The following MDM4 variants were observed in gnomAD, a reference collection of about 807,000 sequenced individuals.
The protein encoded by MDM4 is protein Mdm4.
MDM4 carries 2 observed loss-of-function variants against 60.2 expected under a neutral mutation model. That is an observed-to-expected ratio of 0.03 (90% CI 0.01 to 0.10). The LOEUF is 0.10. MDM4 is among the 10% of genes least tolerant of loss of function. The pLI is 1.00. For missense variants in MDM4, 447 were observed against 577.5 expected, an observed-to-expected ratio of 0.77 and a Z score of 2.32; for synonymous variants, 202 against 198.1, an observed-to-expected ratio of 1.02 and a Z score of -0.17.
chr1:204,544,843 T>G (rs1336411857), intron 9 of MDM4, among the ~76,000 whole-genome samples, 159 bp downstream of exon 9: 3 of 152,284 alleles, frequency 2.0e-5, no homozygotes, highest in Middle Eastern at 3.4e-3. Flanking sequence ...CATTAAGTAA[T>G]GTTAACCAGG....
At chr1:204,529,004 T>A (rs1660557273) in intron 3 of MDM4, 1 of 1,528,112 alleles carries the variant, frequency 6.5e-7, no homozygotes, top group African/African-American at 1.4e-5. Flanking sequence ...TGACAGAGCG[T>A]GGGCAGTAGC....
intron 10 of MDM4, among the ~76,000 whole-genome samples, chr1:204,547,770 T>C (rs1234069843): frequency 1.3e-5 from 2 of 152,218 alleles, no homozygotes; most frequent in Non-Finnish European, 2.9e-5. Context: ...GTTGCCAAGG[T>C]TGGAATGCAA....
In MDM4 at chr1:204,549,378, A is replaced by G. The variant is rs1393081884; in HGVS notation, c.1169A>G (p.Asn390Ser). 3 of 1,614,092 alleles carry G rather than the reference A, an allele frequency of 1.9e-6. No individual in the cohort carries two copies. The highest frequency in any genetic ancestry group is 2.5e-6 in the Non-Finnish European group (3 of 1,180,002). ...KENSKLFDPC[N>S]SVEFLDLAHS... is the part of the protein sequence containing the mutation. ...AACTCCAAACTTTTTGATCCCTGCAACTCAGTGGAATTCTTGGATTTGGCT... is the reference window on the plus strand; with the variant it reads ...AACTCCAAACTTTTTGATCCCTGCAGCTCAGTGGAATTCTTGGATTTGGCT... Residue 390 changes from asparagine to serine, a missense_variant, in exon 11 of 11, where the codon AAC (asparagine) becomes AGC (serine). Coordinates refer to ENST00000367182, the MANE Select transcript of MDM4 (RefSeq NM_002393.5).
At chr1:204,531,641 C>T (rs1660862257) in intron 4 of MDM4, among the ~76,000 whole-genome samples, 1 of 152,100 alleles carries the variant, frequency 6.6e-6, no homozygotes, top group East Asian at 1.9e-4. Flanking sequence ...ACCAGCCTGG[C>T]CAACATAAGT....
In MDM4 at chr1:204,551,455, C is replaced by G. The variant is rs529791045; in HGVS notation, c.*1773C>G. 1.9e-4 allele frequency: 34 copies of G among 176,880 alleles called. No individual in the cohort carries two copies. The East Asian group carries it at 3.2e-3, about 17-fold the overall frequency. The allele number at this position is 176,880 out of a possible 1,614,324, so 11.0% of individuals were successfully genotyped here. A position where few individuals can be genotyped will look rare whatever the true frequency, so the allele number is the denominator to read the frequency against. On this transcript the variant is annotated 3_prime_UTR_variant, in exon 11 of 11. Coordinates refer to ENST00000367182, the MANE Select transcript of MDM4 (RefSeq NM_002393.5). ...CTTGATATACTGGATGGTTGAGAGG[C>G]AGCCTCTTTTTTTTTTTTTTTTTTT...
rs1361968308 is a variant in MDM4, at chr1:204,557,063, G to T, written c.*7381G>T. ...ACCCTTTTCTACCTCATCATTTGTT[G>T]TAGGGATTAAATCCGGGAGAGCAAT... On this transcript the variant is annotated 3_prime_UTR_variant, in exon 11 of 11. Coordinates refer to ENST00000367182, the MANE Select transcript of MDM4 (RefSeq NM_002393.5). 1 of 201,102 alleles carries T rather than the reference G, an allele frequency of 5.0e-6. No homozygotes were observed. The highest frequency in any genetic ancestry group is 1.0e-5 in the Non-Finnish European group (1 of 97,656). 12.5% of individuals were successfully genotyped at this position (201,102 alleles called of 1,614,324 possible).
At chr1:204,541,798 A>G (rs1662110484) in intron 7 of MDM4, among the ~76,000 whole-genome samples, 1 of 152,232 alleles carries the variant, frequency 6.6e-6, no homozygotes, top group Non-Finnish European at 1.5e-5. Context: ...AGCAATATTG[A>G]CATAATTTAT....
intron 1 of MDM4, among the ~76,000 whole-genome samples, chr1:204,524,066 G>A (rs1659857266): frequency 6.6e-6 from 1 of 152,182 alleles, no homozygotes; most frequent in African/African-American, 2.4e-5. Flanking sequence ...GACTCAGGAT[G>A]GAGCAGGTGA....
chr1:204,519,421 C>T (rs1045201780), intron 1 of MDM4, among the ~76,000 whole-genome samples: 1 of 152,028 alleles, frequency 6.6e-6, no homozygotes, highest in African/African-American at 2.4e-5. Flanking sequence ...GCAGGAGAAT[C>T]GTTTGAACCC....
At chr1:204,530,882 G>T (rs756169619) in intron 4 of MDM4, 65 bp downstream of exon 4, 6 of 1,596,050 alleles carry the variant, frequency 3.8e-6, no homozygotes, top group South Asian at 1.1e-5. Flanking sequence ...ATTTCTATGG[G>T]TTATTAATAT....
At chr1:204,544,988 G>A (rs745607710) in intron 9 of MDM4, among the ~76,000 whole-genome samples, 5 of 152,172 alleles carry the variant, frequency 3.3e-5, no homozygotes, top group Non-Finnish European at 7.3e-5. Context: ...CCCACAGCCT[G>A]TGGACCACAT....
chr1:204,538,914 G>T (rs1163957296), intron 7 of MDM4, among the ~76,000 whole-genome samples: 1 of 132,024 alleles, frequency 7.6e-6, no homozygotes, highest in Non-Finnish European at 1.6e-5. Flanking sequence ...CTTGTTACCT[G>T]GGCTGAGTGC....
At chr1:204,524,813 T>C (rs1022452787) in intron 1 of MDM4, among the ~76,000 whole-genome samples, 10 of 152,242 alleles carry the variant, frequency 6.6e-5, no homozygotes, top group African/African-American at 2.4e-4. Context: ...CTTCCTTCTC[T>C]GTAGCTTTTG....
rs980591997 is a variant in MDM4, at chr1:204,553,090, C to T, written c.*3408C>T. On this transcript the variant is annotated 3_prime_UTR_variant, in exon 11 of 11. Coordinates refer to ENST00000367182, the MANE Select transcript of MDM4 (RefSeq NM_002393.5). Reference sequence around the variant, plus strand: ...GTTTCACCATGTTGGTCAGGCTGGTCTCGAACTCCTGACCTCAGGTCATCC... The same window carrying T: ...GTTTCACCATGTTGGTCAGGCTGGTTTCGAACTCCTGACCTCAGGTCATCC... The T allele has an allele frequency of 5.8e-6, 1 of 172,812 alleles. No individual in the cohort carries two copies. The highest frequency in any genetic ancestry group is 6.4e-5 in the Admixed American group (1 of 15,708). The allele number at this position is 172,812 out of a possible 1,614,324, so 10.7% of individuals were successfully genotyped here.
intron 2 of MDM4, 44 bp downstream of exon 2, chr1:204,525,640 T>G: frequency 7.3e-7 from 1 of 1,360,732 alleles, no homozygotes; most frequent in Non-Finnish European, 1.0e-6. Flanking sequence ...TTTTTTTTTT[T>G]TTAATTTTTA....
chr1:204,520,004 G>T (rs185973582), intron 1 of MDM4, among the ~76,000 whole-genome samples: 1 of 151,980 alleles, frequency 6.6e-6, no homozygotes, highest in Non-Finnish European at 1.5e-5. Flanking sequence ...TAGGCTGGGC[G>T]CGGTGGCTTA....
At position 204,549,243 on chromosome 1, in the gene MDM4, A is replaced by G. The variant is rs780833829; in HGVS notation, c.1034A>G (p.Asp345Gly). The G allele has an allele frequency of 6.8e-6, 11 of 1,614,072 alleles. No homozygotes were observed. The highest frequency in any genetic ancestry group is 4.5e-5 in the East Asian group (2 of 44,900). The change falls in exon 11 of 11, where the codon GAT becomes GGT. Residue 345 changes from aspartate to glycine, a missense_variant. Coordinates refer to ENST00000367182, the MANE Select transcript of MDM4 (RefSeq NM_002393.5). ...SKLTHSLSTS[D>G]ITAIPEKENE... ...TTAACCCATTCTCTCTCCACGTCTG[A>G]TATCACTGCCATACCTGAAAAGGAA...
At chr1:204,536,280 A>G (rs915815315) in intron 5 of MDM4, among the ~76,000 whole-genome samples, 10 of 152,242 alleles carry the variant, frequency 6.6e-5, no homozygotes, top group Admixed American at 4.6e-4. Context: ...CTCCATCTGC[A>G]TTATATGTTA....
intron 4 of MDM4, 62 bp from the exon 5 acceptor site, chr1:204,532,129 A>T: frequency 1.0e-6 from 1 of 977,874 alleles, no homozygotes; most frequent in Non-Finnish European, 1.6e-6. Flanking sequence ...TTAACGGCAA[A>T]CCACTGATAT....
Sources: gnomAD v4.1 joint callset for allele counts (sites outside exome capture counted in the v4.1 genomes callset) on GRCh38, gnomAD v4.1.1 for gene constraint, MANE v1.5 for transcripts, NCBI Gene and HGNC (gene_info 2026-07-23, HGNC 2026-07-21) for gene names.